Variants in PCDH9 observed in about 807,000 individuals in gnomAD.
PCDH9 encodes the protein protocadherin 9, also known as protocadherin-9.
PCDH9 carries 24 observed loss-of-function variants against 70.6 expected under a neutral mutation model. That is an observed-to-expected ratio of 0.34 (90% CI 0.25 to 0.48). PCDH9 has a LOEUF of 0.48. Ranked by LOEUF, PCDH9 falls within the 20% of genes least tolerant of loss-of-function variation. PCDH9 has a pLI of 0.99. For synonymous variants in PCDH9, 562 were observed against 558.5 expected (o/e 1.01, Z -0.09); for missense variants, 1,281 against 1,503.6 (o/e 0.85, Z 2.45).
intron 2 of PCDH9, chr13:67,207,520 A>T (rs147600655): frequency 1.5e-3 from 233 of 152,322 alleles, no homozygotes; most frequent in African/African-American, 5.5e-3. Context: ...GGAGTACTTA[A>T]TAAATATCAG....
intron 3 of PCDH9, among the ~76,000 whole-genome samples, chr13:66,785,549 T>C (rs1224240820): frequency 6.6e-6 from 1 of 152,072 alleles, no homozygotes; most frequent in Non-Finnish European, 1.5e-5. Context: ...AGAATATATA[T>C]TGATCAAAAC....
intron 3 of PCDH9, among the ~76,000 whole-genome samples, chr13:66,810,788 C>T (rs907620248): frequency 1.3e-5 from 2 of 151,600 alleles, no homozygotes; most frequent in Non-Finnish European, 2.9e-5. Context: ...TGAAATATTT[C>T]AAGCTTAAGA....
intron 4 of PCDH9, among the ~76,000 whole-genome samples, chr13:66,536,428 TTTAGAAAATTTTTGTTGTGTTC>T (rs1960705915): frequency 6.6e-6 from 1 of 152,114 alleles, no homozygotes; most frequent in Non-Finnish European, 1.5e-5. Flanking sequence ...TTTTTGCACT[TTTAGAAAATTTTTGTTGTGTTC>T]TTATTTTATA....
rs140127865 is a variant in PCDH9 at position 67,228,393 on chromosome 13, T to C, written c.48A>G (p.Leu16=). Residue 16 remains leucine, a synonymous_variant, in exon 2 of 5, where the codon TTA becomes TTG. Transcript: ENST00000377865. The part of the protein sequence containing the change: ...FYLLAALIAC[L]RLDSAIAQEL... ...CTTGAGCTATTGCGGAATCCAGCCT[T>C]AAACAGGCAATCAGAGCAGCCAACA... 6.2e-6 allele frequency: 10 copies of C among 1,608,934 alleles called. No homozygotes were observed. The highest frequency in any genetic ancestry group is 8.5e-6 in the Non-Finnish European group (10 of 1,177,936).
chr13:66,782,947 T>C (rs571276671), intron 3 of PCDH9: 2 of 152,332 alleles, frequency 1.3e-5, no homozygotes, highest in South Asian at 4.1e-4. Flanking sequence ...AATTTCACAT[T>C]TATGTGTTTT....
intron 2 of PCDH9, among the ~76,000 whole-genome samples, chr13:67,174,879 C>G (rs556749961): frequency 6.6e-6 from 1 of 150,552 alleles, no homozygotes; most frequent in Non-Finnish European, 1.5e-5. Context: ...GTCTTTAAAT[C>G]TCACCATTTT....
intron 4 of PCDH9, among the ~76,000 whole-genome samples, chr13:66,459,596 A>G (rs1375934401): frequency 3.9e-5 from 6 of 151,964 alleles, no homozygotes; most frequent in African/African-American, 1.4e-4. Context: ...AAATTTTACA[A>G]AAGGAGAAAA....
chr13:66,865,066 T>C (rs1283502445), intron 3 of PCDH9, among the ~76,000 whole-genome samples: 1 of 152,228 alleles, frequency 6.6e-6, no homozygotes, highest in Non-Finnish European at 1.5e-5. Context: ...TGTATATCCC[T>C]AAAACAGAAT....
chr13:67,081,845 A>G (rs1372507072), intron 2 of PCDH9, among the ~76,000 whole-genome samples: 1 of 152,110 alleles, frequency 6.6e-6, no homozygotes, highest in Non-Finnish European at 1.5e-5. Flanking sequence ...AAAAATCAGG[A>G]GTTTAACTAT....
At chr13:66,550,248 A>G (rs1961422475) in intron 4 of PCDH9, among the ~76,000 whole-genome samples, 1 of 152,110 alleles carries the variant, frequency 6.6e-6, no homozygotes, top group African/African-American at 2.4e-5. Context: ...GTAATAGAAT[A>G]TCACAGAAAG....
Position 67,227,228 on chromosome 13 carries a change from T to C in PCDH9, c.1213A>G (p.Arg405Gly). 6.2e-7 allele frequency: 1 copy of C among 1,613,922 alleles called. No homozygotes were observed. Among genetic ancestry groups the C allele is most frequent in the Non-Finnish European group, 8.5e-7 (1 of 1,179,754 alleles). ...VNGKVICFIEREVPFHLKAVY... is the reference protein window; with the variant it reads ...VNGKVICFIEGEVPFHLKAVY... ...GCCTTCAAATGAAATGGGACCTCTCTTTCAATAAAACAGATCACTTTGCCA... is the reference window on the plus strand; with the variant it reads ...GCCTTCAAATGAAATGGGACCTCTCCTTCAATAAAACAGATCACTTTGCCA... The change falls in exon 2 of 5, where the codon AGA becomes GGA. Residue 405 changes from arginine (R) to glycine (G), a missense_variant. By Grantham distance (125) the Arg-to-Gly change is moderately radical. Around this residue, in one of 4 missense-constraint regions of PCDH9, gnomAD observed 798 missense variants for 1,003.1 expected, o/e 0.80. Transcript: ENST00000377865. The surrounding 1 kb of genome is among the most constrained non-coding windows in gnomAD (Gnocchi z 4.6).
At chr13:66,410,482 T>C (rs1001450989) in intron 4 of PCDH9, among the ~76,000 whole-genome samples, 2 of 152,220 alleles carry the variant, frequency 1.3e-5, no homozygotes, top group East Asian at 1.9e-4. Flanking sequence ...TTAATTTGAA[T>C]AGTTATCATT....
At chr13:66,863,823 A>G (rs139766765) in intron 3 of PCDH9, among the ~76,000 whole-genome samples, 118 of 152,166 alleles carry the variant, frequency 7.8e-4, no homozygotes, top group African/African-American at 2.6e-3. Flanking sequence ...TTTTGGTACT[A>G]TAAGACATCG....
chr13:66,580,003 C>A (rs2076868041), intron 4 of PCDH9, among the ~76,000 whole-genome samples: 1 of 151,924 alleles, frequency 6.6e-6, no homozygotes, highest in Admixed American at 6.6e-5. Context: ...GTTCAAATAC[C>A]TTTCTTTTAT....
intron 2 of PCDH9, among the ~76,000 whole-genome samples, chr13:66,979,437 A>G (rs1258951779): frequency 2.0e-5 from 3 of 152,176 alleles, no homozygotes. Context: ...AACAGTGAAG[A>G]TATCTGTCTT....
At chr13:67,193,699 C>T (rs2088982530) in intron 2 of PCDH9, among the ~76,000 whole-genome samples, 1 of 152,012 alleles carries the variant, frequency 6.6e-6, no homozygotes, top group Middle Eastern at 3.2e-3. Context: ...AAGAGGGGAT[C>T]TTTACTTACA....
chr13:66,588,374 G>T (rs1395968494), intron 4 of PCDH9, among the ~76,000 whole-genome samples: 1 of 151,792 alleles, frequency 6.6e-6, no homozygotes, highest in Non-Finnish European at 1.5e-5. Flanking sequence ...TGAGATTTAG[G>T]TTTCCAATAA....
intron 3 of PCDH9, among the ~76,000 whole-genome samples, chr13:66,678,031 C>A (rs900806928): frequency 5.3e-5 from 8 of 152,028 alleles, no homozygotes; most frequent in Non-Finnish European, 1.2e-4. Flanking sequence ...CCTTTTTAAA[C>A]TGTTATTCAA....
Position 67,226,279 on chromosome 13 carries a change from T to C in PCDH9, c.2162A>G (p.Asn721Ser), listed in dbSNP as rs781571797. The C allele has an allele frequency of 6.2e-7, 1 of 1,614,212 alleles. No individual in the cohort carries two copies. Among genetic ancestry groups the C allele is most frequent in the Non-Finnish European group, 8.5e-7 (1 of 1,180,036 alleles). Residue 721 changes from asparagine (N) to serine (S), a missense_variant, in exon 2 of 5, where the codon AAC (asparagine) becomes AGC (serine). Coordinates refer to ENST00000377865, the MANE Select transcript of PCDH9 (RefSeq NM_203487.3). This position sits in a 1 kb window ranked among gnomAD's most constrained non-coding sequence, Gnocchi z 5.0. ...AELKYTIVSG[N>S]NKGLFRIDPV... ...ATCAATCCGGAATAAGCCTTTATTGTTTCCACTCACTATAGTATACTTTAG... is the reference window on the plus strand; with the variant it reads ...ATCAATCCGGAATAAGCCTTTATTGCTTCCACTCACTATAGTATACTTTAG...
Sources: allele counts gnomAD v4.1 joint callset (sites outside exome capture counted in the v4.1 genomes callset), GRCh38; gene constraint gnomAD v4.1.1; regional missense constraint gnomAD v4.1.1; non-coding constraint Gnocchi (gnomAD v3.1); transcripts MANE v1.5; gene names NCBI Gene and HGNC (gene_info 2026-07-23, HGNC 2026-07-21).